The following SPSB3 variants were observed in gnomAD, a reference collection of about 807,000 sequenced individuals.
SPSB3 encodes the protein SPRY domain-containing SOCS box protein 3.
Under a neutral mutation model 29.5 loss-of-function variants are expected in SPSB3, and 18 were observed. The ratio of observed to expected loss-of-function variants is 0.61; its 90% CI spans 0.42 to 0.91. The LOEUF is 0.91. SPSB3 is among the 40% of genes least tolerant of loss of function. The probability of loss-of-function intolerance (pLI) is 0.00; values close to 1 mark genes in which losing one functional copy is unlikely to be tolerated. For missense variants in SPSB3, 540 were observed against 507.5 expected (o/e 1.06, Z -0.61); for synonymous variants, 299 against 214.1 (o/e 1.40, Z -3.46).
chr16:1,782,375 C>T (rs1175831791), intron 1 of SPSB3, 127 bp downstream of exon 1: 4 of 151,780 alleles, frequency 2.6e-5, no homozygotes, highest in African/African-American at 9.7e-5. Context: ...ACCGGGGAAG[C>T]CTCTCTCGGG....
intron 1 of SPSB3, chr16:1,782,108 C>T (rs2141994605): frequency 6.5e-6 from 1 of 154,138 alleles, no homozygotes; most frequent in Admixed American, 6.4e-5. Flanking sequence ...CCCAGGCCAC[C>T]TGCCTGGCAC....
At chr16:1,781,216 A>G (rs1896695271) in intron 2 of SPSB3, 142 bp downstream of exon 2, 1 of 1,575,376 alleles carries the variant, frequency 6.3e-7, no homozygotes, top group Non-Finnish European at 8.6e-7. Flanking sequence ...TCCAGGAGAC[A>G]GGCCCAGGTT....
Position 1,777,037 on chromosome 16 carries a change from A to C in SPSB3, c.*60T>G. 6.4e-7 allele frequency: 1 copy of C among 1,550,574 alleles called. No individual in the cohort carries two copies. Among genetic ancestry groups the C allele is most frequent in the Non-Finnish European group, 8.8e-7 (1 of 1,142,356 alleles). On this transcript the variant is annotated 3_prime_UTR_variant, in exon 7 of 7. Coordinates refer to ENST00000566339, the MANE Select transcript of SPSB3 (RefSeq NM_080861.4). ...GTGGCTGGAAGGAAGGGACAGAGAAAGAAGGGACAGAGGAAAGGGGCTGTC... is the reference window on the plus strand; with the variant it reads ...GTGGCTGGAAGGAAGGGACAGAGAACGAAGGGACAGAGGAAAGGGGCTGTC...
chr16:1,777,086 T>G lies in SPSB3; in HGVS notation c.*11A>C. 7 of 1,608,448 alleles carry G rather than the reference T, an allele frequency of 4.4e-6. No individual in the cohort carries two copies. Among genetic ancestry groups the G allele is most frequent in the Non-Finnish European group, 5.9e-6 (7 of 1,177,240 alleles). ...TCCCAGCCCAAGAAGGCAGTTCCAC[T>G]GGGAAGTCAGTCAGGTCCGGCGGCA... On this transcript the variant is annotated 3_prime_UTR_variant, in exon 7 of 7. Coordinates refer to ENST00000566339, the MANE Select transcript of SPSB3 (RefSeq NM_080861.4).
rs376832134 is a variant in SPSB3 at position 1,777,177 on chromosome 16, C to G, written c.988G>C (p.Asp330His). ...TGGGCGGAGGTCGCTGCCTGGGGAT[C>G]GGACACTGGAGCCTTGCGGCGGCTG... ...SCSRRKAPVS[D>H]PQAATSAHPS... The change falls in exon 7 of 7, where the codon GAT (aspartate) becomes CAT (histidine). Residue 330 changes from aspartate to histidine, a missense_variant. By Grantham distance (81) the Asp-to-His change is moderately conservative (BLOSUM62 -1). Transcript: ENST00000566339. 1.2e-5 allele frequency: 19 copies of G among 1,610,746 alleles called. No homozygotes were observed. Among genetic ancestry groups the G allele is most frequent in the Non-Finnish European group, 1.6e-5 (19 of 1,179,864 alleles).
rs761605176 is a variant in SPSB3 at position 1,778,512 on chromosome 16, T to C, written c.227A>G (p.Gln76Arg). ...GCTGCTACAGAAGGAGGCCTCGCTC[T>C]GCCCAGCACAGTCACAGAAGGACTC... Reference protein sequence around the residue: ...TGESFCDCAGQSEASFCSSLH... With the variant: ...TGESFCDCAGRSEASFCSSLH... The change falls in exon 3 of 7, where the codon CAG becomes CGG. Residue 76 changes from glutamine to arginine, a missense_variant. Coordinates refer to ENST00000566339, the MANE Select transcript of SPSB3 (RefSeq NM_080861.4). 6.2e-7 allele frequency: 1 copy of C among 1,611,944 alleles called. No homozygotes were observed. The highest frequency in any genetic ancestry group is 8.5e-7 in the Non-Finnish European group (1 of 1,179,474).
rs748227011 is a variant in SPSB3 at position 1,778,557 on chromosome 16, C to G, written c.182G>C (p.Ser61Thr). 6 of 1,603,136 alleles carry G rather than the reference C, an allele frequency of 3.7e-6. No homozygotes were observed. In the Admixed American group the frequency reaches 8.4e-5, roughly 22 times the overall value. Residue 61 changes from serine to threonine, a missense_variant, in exon 3 of 7, where the codon AGT becomes ACT. Transcript: ENST00000566339. ...GGACTCGCCGGTCACGGGCACCGCA[C>G]TGGGGATGGATGGCGGCAGCGTGGA... ...EYSTLPPSIPSAVPVTGESFC... is the reference protein window; with the variant it reads ...EYSTLPPSIPTAVPVTGESFC...
chr16:1,776,790 A>G lies in SPSB3; in HGVS notation c.*307T>C, dbSNP rs1005630899. 1 of 479,698 alleles carries G rather than the reference A, an allele frequency of 2.1e-6. No individual in the cohort carries two copies. Among genetic ancestry groups the G allele is most frequent in the African/African-American group, 2.0e-5 (1 of 51,218 alleles). 29.7% of individuals were successfully genotyped at this position (479,698 alleles called of 1,614,324 possible). ...CGGGGCAGCCGCTGACAGCATGCAGAGCAAGTTAGGAAAAACCGAGGCCCT... is the reference window on the plus strand; with the variant it reads ...CGGGGCAGCCGCTGACAGCATGCAGGGCAAGTTAGGAAAAACCGAGGCCCT... On this transcript the variant is annotated 3_prime_UTR_variant, in exon 7 of 7. Transcript: ENST00000566339.
chr16:1,780,704 G>A (rs1431555947), intron 2 of SPSB3: 1 of 162,464 alleles, frequency 6.2e-6, no homozygotes, highest in Non-Finnish European at 1.4e-5. Context: ...GTCACCTCCA[G>A]AAATGGGCTG....
chr16:1,782,145 C>G (rs1835158284), intron 1 of SPSB3: 1 of 153,244 alleles, frequency 6.5e-6, no homozygotes, highest in South Asian at 2.0e-4. Flanking sequence ...GGGGTTCCCG[C>G]CTAGCCTTCC....
chr16:1,778,103 C>T (rs774021746), intron 4 of SPSB3, 31 bp downstream of exon 4: 2 of 1,612,944 alleles, frequency 1.2e-6, no homozygotes, highest in Non-Finnish European at 1.7e-6. Flanking sequence ...AGCCAGGTTC[C>T]CCAGAAGCAC....
chr16:1,777,209 A>G lies in SPSB3; in HGVS notation c.956T>C (p.Met319Thr), dbSNP rs2042727178. ...TGGAGCCTTGCGGCGGCTGCAACTC[A>G]TGCTCAGGACCCAGCCCAGCTTGTT... ...LHNKLGWVLS[M>T]SCSRRKAPVS... Residue 319 changes from methionine (M) to threonine (T), a missense_variant, in exon 7 of 7, where the codon ATG becomes ACG. Met to Thr is a moderately conservative substitution (Grantham distance 81). Transcript: ENST00000566339. 7 of 1,610,490 alleles carry G rather than the reference A, an allele frequency of 4.3e-6. No homozygotes were observed. Among genetic ancestry groups the G allele is most frequent in the Non-Finnish European group, 5.1e-6 (6 of 1,179,812 alleles).
chr16:1,777,671 C>G, intron 6 of SPSB3, 76 bp downstream of exon 6: 1 of 1,585,114 alleles, frequency 6.3e-7, no homozygotes, highest in Non-Finnish European at 8.6e-7. Flanking sequence ...ACCTCAGTGT[C>G]CCCTGGGCTG....
In SPSB3 at chr16:1,778,706, C is replaced by T. The variant is rs558133057; in HGVS notation, c.127-94G>A. ...CCTGTCCCACCCTGTCCCTGACCCACCCAGGAAAGGATGGGGGTCCAGGCC... is the reference window on the plus strand; with the variant it reads ...CCTGTCCCACCCTGTCCCTGACCCATCCAGGAAAGGATGGGGGTCCAGGCC... On this transcript the variant is annotated intron_variant, in intron 2 of 6. Coordinates refer to ENST00000566339, the MANE Select transcript of SPSB3 (RefSeq NM_080861.4). 5.9e-5 allele frequency: 83 copies of T among 1,402,104 alleles called. 1 individual carries two copies. The South Asian group carries it at 9.8e-4, about 17-fold the overall frequency. 86.9% of individuals were successfully genotyped at this position (1,402,104 alleles called of 1,614,324 possible). A position where few individuals can be genotyped will look rare whatever the true frequency, so the allele number is the denominator to read the frequency against.
At chr16:1,781,120 A>G (rs1175635035) in intron 2 of SPSB3, 1 of 1,453,916 alleles carries the variant, frequency 6.9e-7, no homozygotes, top group Non-Finnish European at 9.2e-7. Flanking sequence ...AGCACAGTGA[A>G]GAATGCAGTG....
chr16:1,781,579 C>CA (rs1297306885), intron 1 of SPSB3, 84 bp from the exon 2 acceptor site: 26 of 1,471,742 alleles, frequency 1.8e-5, no homozygotes, highest in African/African-American at 1.3e-4. Context: ...CGGACCCACT[C>CA]AAAGTGGGGA....
intron 2 of SPSB3, chr16:1,780,977 C>T (rs536364319): frequency 1.7e-4 from 65 of 380,574 alleles, no homozygotes; most frequent in African/African-American, 1.2e-3. Context: ...AAGTGGTCCT[C>T]CAGCTTCAGC....
Position 1,776,990 on chromosome 16 carries a change from T to C in SPSB3, c.*107A>G. ...AGAGATGGCTCCCTCCGGACGGGCC[T>C]CATCCAACTCCGCCCTGGAGTGTGG... On this transcript the variant is annotated 3_prime_UTR_variant, in exon 7 of 7. Transcript: ENST00000566339. The C allele has an allele frequency of 7.5e-7, 1 of 1,325,874 alleles. No homozygotes were observed. Among genetic ancestry groups the C allele is most frequent in the Non-Finnish European group, 1.0e-6 (1 of 966,856 alleles). The allele number at this position is 1,325,874 out of a possible 1,614,324, so 82.1% of individuals were successfully genotyped here. A position where few individuals can be genotyped will look rare whatever the true frequency, so the allele number is the denominator to read the frequency against.
chr16:1,782,137 G>A (rs1162214887), intron 1 of SPSB3: 1 of 153,420 alleles, frequency 6.5e-6, no homozygotes, highest in Middle Eastern at 3.4e-3. Context: ...CCAGCTCCGG[G>A]GTTCCCGCCT....
Sources: allele counts gnomAD v4.1 joint callset, GRCh38; gene constraint gnomAD v4.1.1; transcripts MANE v1.5; gene names NCBI Gene and HGNC (gene_info 2026-07-23, HGNC 2026-07-21).